The following WWP2 variants were observed in gnomAD, a reference collection of about 807,000 sequenced individuals.
WWP2 encodes the protein WW domain containing E3 ubiquitin protein ligase 2, also known as NEDD4-like E3 ubiquitin-protein ligase WWP2.
In WWP2, 57 loss-of-function variants were observed where a neutral mutation model predicts 121.0. The observed-to-expected ratio is 0.47, with a 90% CI of 0.38 to 0.59. WWP2 has a LOEUF of 0.59. Among genes scored for constraint, WWP2 ranks in the 20% least tolerant of loss-of-function variants. The pLI is 0.00. For missense variants in WWP2, 962 were observed against 1,158.9 expected, an observed-to-expected ratio of 0.83 and a Z score of 2.47; for synonymous variants, 449 against 441.3, an observed-to-expected ratio of 1.02 and a Z score of -0.22.
At chr16:69,831,288 C>G (rs2056788962) in intron 4 of WWP2, among the ~76,000 whole-genome samples, 1 of 152,126 alleles carries the variant, frequency 6.6e-6, no homozygotes, top group Admixed American at 6.5e-5. Flanking sequence ...TTGACATGCA[C>G]ATACATTTCG....
In WWP2 at chr16:69,937,061, G is replaced by A. The variant is rs2151999377; in HGVS notation, c.2118-57G>A. 6.3e-7 allele frequency: 1 copy of A among 1,590,308 alleles called. No individual in the cohort carries two copies. Among genetic ancestry groups the A allele is most frequent in the Middle Eastern group, 1.9e-4 (1 of 5,336 alleles). ...GGTAACGGCCACGCGGCCTGGCCGG[G>A]AGCCACCCCTGAGCAGTGGGTCTCA... is the stretch of plus-strand genomic sequence containing the variant. On this transcript the variant is annotated intron_variant, in intron 19 of 23. Transcript: ENST00000359154. This position sits in a 1 kb window ranked among gnomAD's most constrained non-coding sequence, Gnocchi z 6.6.
chr16:69,870,272 A>G (rs1209462877), intron 6 of WWP2, among the ~76,000 whole-genome samples: 1 of 150,218 alleles, frequency 6.7e-6, no homozygotes, highest in Non-Finnish European at 1.5e-5. Context: ...TTCTGTAGCC[A>G]TTATTATTAC....
intron 9 of WWP2, among the ~76,000 whole-genome samples, chr16:69,914,987 G>A (rs919140229): frequency 6.6e-6 from 1 of 152,170 alleles, no homozygotes; most frequent in Admixed American, 6.5e-5. Flanking sequence ...TAACCCCGAG[G>A]CCATGGAATC....
intron 4 of WWP2, among the ~76,000 whole-genome samples, chr16:69,826,292 G>T (rs949720737): frequency 1.3e-5 from 2 of 150,884 alleles, no homozygotes; most frequent in African/African-American, 4.9e-5. Context: ...AGTAGACCAG[G>T]CGCAGTGGCT....
At chr16:69,852,128 G>A (rs2057227518) in intron 6 of WWP2, among the ~76,000 whole-genome samples, 1 of 152,210 alleles carries the variant, frequency 6.6e-6, no homozygotes, top group African/African-American at 2.4e-5. Context: ...GCACCAGTTT[G>A]CATTGCCACC....
In WWP2 at chr16:69,799,150, A is replaced by G. The variant is rs779374332; in HGVS notation, c.219-24A>G. 1.2e-6 allele frequency: 2 copies of G among 1,604,286 alleles called. No homozygotes were observed. The highest frequency in any genetic ancestry group is 1.7e-6 in the Non-Finnish European group (2 of 1,176,016). ...TATAGGAATGATCTGCTTGGATGTA[A>G]TGAATCAGGTATTTGTTTTTCAGGA... On this transcript the variant is annotated intron_variant, in intron 3 of 23. Coordinates refer to ENST00000359154, the MANE Select transcript of WWP2 (RefSeq NM_001270454.2). The surrounding 1 kb of genome is among the most constrained non-coding windows in gnomAD (Gnocchi z 4.5).
At chr16:69,783,051 C>G (rs1399879878) in intron 1 of WWP2, 1 of 150,840 alleles carries the variant, frequency 6.6e-6, no homozygotes, top group Non-Finnish European at 1.5e-5. Context: ...CACTCTCTCC[C>G]CCAGGCTGGG....
At chr16:69,870,962 G>A (rs1050933097) in intron 6 of WWP2, among the ~76,000 whole-genome samples, 8 of 152,104 alleles carry the variant, frequency 5.3e-5, no homozygotes, top group African/African-American at 1.7e-4. Context: ...TCATTTACTT[G>A]GATGGATTGT....
At chr16:69,852,365 C>A (rs939450329) in intron 6 of WWP2, among the ~76,000 whole-genome samples, 1 of 150,756 alleles carries the variant, frequency 6.6e-6, no homozygotes, top group Non-Finnish European at 1.5e-5. Flanking sequence ...CACCCTCCAC[C>A]TCCTAGGTTC....
chr16:69,829,185 A>G (rs1432332236), intron 4 of WWP2, among the ~76,000 whole-genome samples: 4 of 151,992 alleles, frequency 2.6e-5, no homozygotes, highest in Non-Finnish European at 5.9e-5. Flanking sequence ...CTTCAGCTCC[A>G]CTTCTGCTCT....
At chr16:69,928,987 G>T (rs765516995) in intron 11 of WWP2, among the ~76,000 whole-genome samples, 1 of 152,184 alleles carries the variant, frequency 6.6e-6, no homozygotes, top group Non-Finnish European at 1.5e-5. Flanking sequence ...TAAGGACCAC[G>T]CCCTGTAGGA....
At chr16:69,769,283 C>G (rs1486179477) in intron 1 of WWP2, among the ~76,000 whole-genome samples, 1 of 138,850 alleles carries the variant, frequency 7.2e-6, no homozygotes, top group African/African-American at 2.7e-5. Flanking sequence ...GCACCACTCA[C>G]TCCAGCCTGG....
intron 8 of WWP2, among the ~76,000 whole-genome samples, chr16:69,892,895 T>C (rs2058051625): frequency 6.6e-6 from 1 of 152,226 alleles, no homozygotes; most frequent in Admixed American, 6.5e-5. Flanking sequence ...AATGCTCCAG[T>C]GGCTTCATAT....
At chr16:69,886,203 C>T (rs2057920967) in intron 7 of WWP2, among the ~76,000 whole-genome samples, 1 of 152,206 alleles carries the variant, frequency 6.6e-6, no homozygotes, top group Non-Finnish European at 1.5e-5. Context: ...CCTCAGTCTC[C>T]TGAGTAGCTG....
At chr16:69,797,748 G>T (rs1368740151) in intron 2 of WWP2, among the ~76,000 whole-genome samples, 1 of 151,818 alleles carries the variant, frequency 6.6e-6, no homozygotes, top group Non-Finnish European at 1.5e-5. Flanking sequence ...AATTAGCCAG[G>T]CACGGTGGCG....
intron 2 of WWP2, among the ~76,000 whole-genome samples, chr16:69,796,779 C>T (rs2056056353): frequency 6.6e-6 from 1 of 152,168 alleles, no homozygotes; most frequent in Non-Finnish European, 1.5e-5. Flanking sequence ...AACCTTTGTC[C>T]CTAGTACTGT....
In WWP2 at chr16:69,874,092, A is replaced by G. The variant is rs28756357; in HGVS notation, c.703+2161A>G. Reference sequence around the variant, plus strand: ...GTGCCCAAACCTGTTCCTAAGATCCATCTCTGAAGGGCAGTTGTATTTTAG... The same window carrying G: ...GTGCCCAAACCTGTTCCTAAGATCCGTCTCTGAAGGGCAGTTGTATTTTAG... On this transcript the variant is annotated intron_variant, in intron 7 of 23. Transcript: ENST00000359154. 2.2e-3 allele frequency among the ~76,000 whole-genome samples: 330 copies of G among 152,242 alleles called. 3 individuals are homozygous for G. The highest frequency in any genetic ancestry group is 7.1e-3 in the African/African-American group (297 of 41,560).
intron 6 of WWP2, among the ~76,000 whole-genome samples, chr16:69,862,708 CTTTTTTTTTTTT>C (rs546868069): frequency 1.2e-4 from 9 of 76,508 alleles, no homozygotes; most frequent in African/African-American, 2.3e-4. Context: ...GCCATGAATT[CTTTTTTTTTTTT>C]TTTTTTTTTT....
Position 69,901,469 on chromosome 16 carries a change from G to A in WWP2, c.915-7292G>A, listed in dbSNP as rs13380481. On this transcript the variant is annotated intron_variant, in intron 8 of 23. Transcript: ENST00000359154. ...GCTCTGTCGCCCAGTCTGGGGTGCA[G>A]TGGCGCGATCTCAGCTCATTGCAAG... Among the ~76,000 whole-genome samples, 878 of 152,268 alleles carry A rather than the reference G, an allele frequency of 5.8e-3. 5 individuals are homozygous for A. The highest frequency in any genetic ancestry group is 0.02 in the African/African-American group (828 of 41,544).
Sources: gnomAD v4.1 joint callset for allele counts (sites outside exome capture counted in the v4.1 genomes callset) on GRCh38, gnomAD v4.1.1 for gene constraint, Gnocchi (gnomAD v3.1) non-coding constraint, MANE v1.5 for transcripts, NCBI Gene and HGNC (gene_info 2026-07-23, HGNC 2026-07-21) for gene names.